TRIT1: variants seen among roughly 807,000 people sequenced by gnomAD.
TRIT1 encodes the protein tRNA dimethylallyltransferase.
TRIT1 carries 43 observed loss-of-function variants against 51.2 expected under a neutral mutation model. The ratio of observed to expected loss-of-function variants is 0.84; its 90% CI spans 0.66 to 1.08. TRIT1 has a LOEUF of 1.08. Among genes scored for constraint, TRIT1 ranks in the 50% least tolerant of loss-of-function variants. TRIT1 has a pLI of 0.00. For synonymous variants in TRIT1, 184 were observed against 203.9 expected (o/e 0.90, Z 0.83); for missense variants, 528 against 578.4 (o/e 0.91, Z 0.89).
At chr1:39,846,922 A>G (rs183541927) in intron 8 of TRIT1, 166 of 261,208 alleles carry the variant, frequency 6.4e-4, no homozygotes, top group African/African-American at 3.4e-3. Context: ...GAAGCTAAAA[A>G]TCAGCCCTGA....
Position 39,850,240 on chromosome 1 carries a change from T to G in TRIT1, c.582A>C (p.Glu194Asp), listed in dbSNP as rs767897226. ...KVARSLQVFE[E>D]TGISHSEFLH... ...GAAATTCACTATGAGAGATTCCTGT[T>G]TCTTCAAAAACTTGCAAGCTCCTAA... Residue 194 changes from glutamate to aspartate, a missense_variant, in exon 5 of 11, where the codon GAA becomes GAC. Glu to Asp is a conservative substitution (Grantham distance 45, BLOSUM62 2). Coordinates refer to ENST00000316891, the MANE Select transcript of TRIT1 (RefSeq NM_017646.6). 60 of 1,614,072 alleles carry G rather than the reference T, an allele frequency of 3.7e-5. No homozygotes were observed. Among genetic ancestry groups the G allele is most frequent in the Non-Finnish European group, 4.7e-5 (56 of 1,180,038 alleles).
chr1:39,856,135 T>C (rs1216847679), intron 2 of TRIT1, among the ~76,000 whole-genome samples: 1 of 151,966 alleles, frequency 6.6e-6, no homozygotes, highest in African/African-American at 2.4e-5. Flanking sequence ...TGAAACCCCG[T>C]CTCTACCAAA....
chr1:39,847,374 G>A, intron 7 of TRIT1, 77 bp from the exon 8 acceptor site: 1 of 1,511,532 alleles, frequency 6.6e-7, no homozygotes, highest in Admixed American at 1.7e-5. Context: ...TCCCAGCCCA[G>A]CAGGAAAAAG....
At chr1:39,868,680 T>C (rs547507937) in intron 1 of TRIT1, among the ~76,000 whole-genome samples, 3 of 139,416 alleles carry the variant, frequency 2.2e-5, no homozygotes, top group African/African-American at 8.1e-5. Flanking sequence ...AATTCATCAA[T>C]AAGAAAACAA....
chr1:39,867,750 C>T (rs1190914487), intron 1 of TRIT1, among the ~76,000 whole-genome samples: 1 of 152,172 alleles, frequency 6.6e-6, no homozygotes, highest in African/African-American at 2.4e-5. Context: ...ATATAACTGG[C>T]TGGAAGCAGA....
chr1:39,864,887 C>T (rs1047876067), intron 1 of TRIT1, among the ~76,000 whole-genome samples: 3 of 152,098 alleles, frequency 2.0e-5, no homozygotes, highest in African/African-American at 7.2e-5. Context: ...GAAAAGCTGC[C>T]CCCTGGTTTG....
intron 1 of TRIT1, among the ~76,000 whole-genome samples, chr1:39,877,029 A>C (rs1368979408): frequency 2.2e-5 from 3 of 137,604 alleles, no homozygotes; most frequent in African/African-American, 5.0e-5. Flanking sequence ...CAAAAAAAAA[A>C]AAAAAAAAAA....
chr1:39,869,894 G>T (rs1643787732), intron 1 of TRIT1, among the ~76,000 whole-genome samples: 1 of 151,846 alleles, frequency 6.6e-6, no homozygotes, highest in Non-Finnish European at 1.5e-5. Context: ...AGGAGGTGGG[G>T]GACAGCCTCT....
intron 1 of TRIT1, among the ~76,000 whole-genome samples, chr1:39,860,098 G>C (rs1030831416): frequency 6.6e-6 from 1 of 152,198 alleles, no homozygotes; most frequent in Non-Finnish European, 1.5e-5. Flanking sequence ...CTATGGTACT[G>C]CTTATGATAG....
At chr1:39,872,563 A>G (rs1027775981) in intron 1 of TRIT1, among the ~76,000 whole-genome samples, 2 of 152,202 alleles carry the variant, frequency 1.3e-5, no homozygotes, top group African/African-American at 4.8e-5. Flanking sequence ...GGGGAAGACT[A>G]GAATGAATCT....
chr1:39,845,918 G>C (rs1642197891), intron 8 of TRIT1, among the ~76,000 whole-genome samples: 1 of 152,156 alleles, frequency 6.6e-6, no homozygotes, highest in African/African-American at 2.4e-5. Context: ...ACAGGCATAT[G>C]ACACACTGTG....
chr1:39,881,202 GGC>G (rs1644252268), intron 1 of TRIT1, among the ~76,000 whole-genome samples: 1 of 149,730 alleles, frequency 6.7e-6, no homozygotes, highest in South Asian at 2.1e-4. Flanking sequence ...CTCCAGCCTG[GGC>G]AACAAGAGCG....
At chr1:39,841,936 A>G in intron 10 of TRIT1, 23 bp from the exon 11 acceptor site, 1 of 1,583,352 alleles carries the variant, frequency 6.3e-7, no homozygotes, top group Non-Finnish European at 8.6e-7. Flanking sequence ...AATCAAACCA[A>G]ACAAACAAAA....
intron 1 of TRIT1, among the ~76,000 whole-genome samples, chr1:39,866,224 G>A (rs1425395738): frequency 1.3e-5 from 2 of 151,982 alleles, no homozygotes; most frequent in Non-Finnish European, 2.9e-5. Flanking sequence ...CCAGGCTAGA[G>A]TGCAGTGGCA....
intron 6 of TRIT1, 146 bp downstream of exon 6, chr1:39,847,840 A>G (rs1642321297): frequency 7.3e-7 from 1 of 1,361,228 alleles, no homozygotes; most frequent in Non-Finnish European, 9.9e-7. Context: ...TGAAAAGTTA[A>G]CTCCTGGGAC....
chr1:39,845,870 C>T (rs1373088098), intron 8 of TRIT1, among the ~76,000 whole-genome samples: 5 of 152,174 alleles, frequency 3.3e-5, no homozygotes. Context: ...CCTTTCACTC[C>T]AGCACCAGGA....
chr1:39,879,472 T>C (rs994659479), intron 1 of TRIT1, among the ~76,000 whole-genome samples: 3 of 150,766 alleles, frequency 2.0e-5, no homozygotes, highest in African/African-American at 7.4e-5. Flanking sequence ...ATGAGACTAT[T>C]GTGAGGATTT....
In TRIT1 at chr1:39,876,528, G is replaced by GTATCTATC. The variant is rs1553147778; in HGVS notation, c.174+6782_174+6789dup. The stretch of plus-strand genomic sequence containing the variant: ...ACCTAGAAACTCATTATTTATATGT[G>GTATCTATC]TATCTATCTATCTATCTATCTATCT... On this transcript the variant is annotated intron_variant, in intron 1 of 10. Coordinates refer to ENST00000316891, the MANE Select transcript of TRIT1 (RefSeq NM_017646.6). 2.6e-3 allele frequency among the ~76,000 whole-genome samples: 332 copies of GTATCTATC among 127,664 alleles called. 1 individual carries two copies. Among genetic ancestry groups the GTATCTATC allele is most frequent in the African/African-American group, 9.8e-3 (283 of 28,812 alleles). 83.8% of individuals were successfully genotyped at this position (127,664 alleles called of 152,430 possible).
At chr1:39,848,548 G>C (rs1041837809) in intron 5 of TRIT1, among the ~76,000 whole-genome samples, 11 of 150,858 alleles carry the variant, frequency 7.3e-5, no homozygotes, top group African/African-American at 2.7e-4. Context: ...AGATACGGCC[G>C]GGCAAGGTGG....
Sources: allele counts gnomAD v4.1 joint callset (sites outside exome capture counted in the v4.1 genomes callset), GRCh38; gene constraint gnomAD v4.1.1; transcripts MANE v1.5; gene names NCBI Gene and HGNC (gene_info 2026-07-23, HGNC 2026-07-21).